Variants in IL1RAPL1 observed in about 807,000 individuals in gnomAD.
IL1RAPL1 encodes the protein interleukin-1 receptor accessory protein-like 1.
A neutral mutation model predicts 48.4 loss-of-function variants in IL1RAPL1; 3 were observed. The ratio of observed to expected loss-of-function variants is 0.06; its 90% CI spans 0.03 to 0.16. The LOEUF (loss-of-function observed/expected upper bound fraction) is 0.16. Among genes scored for constraint, IL1RAPL1 ranks in the 10% least tolerant of loss-of-function variants. The pLI, the probability that IL1RAPL1 is intolerant of heterozygous loss-of-function variation, is 1.00. For synonymous variants in IL1RAPL1, 185 were observed against 187.7 expected (o/e 0.99, Z 0.12); for missense variants, 349 against 530.6 (o/e 0.66, Z 3.36).
At chrX:29,081,733 A>C (rs963852721) in intron 2 of IL1RAPL1, among the ~76,000 whole-genome samples, 2 of 111,189 alleles carry the variant, frequency 1.8e-5, no homozygotes, top group African/African-American at 6.5e-5. Flanking sequence ...AAAATGGCAT[A>C]CGTATTGAAA....
intron 2 of IL1RAPL1, among the ~76,000 whole-genome samples, chrX:29,244,929 C>T (rs1198416164): frequency 9.1e-6 from 1 of 109,810 alleles, no homozygotes; most frequent in Non-Finnish European, 1.9e-5. Context: ...TCCCCTAGCC[C>T]CCCACCCCCC....
chrX:29,928,334 T>C (rs1387797777), intron 8 of IL1RAPL1, among the ~76,000 whole-genome samples: 1 of 111,994 alleles, frequency 8.9e-6, no homozygotes, highest in Non-Finnish European at 1.9e-5. Flanking sequence ...TCCACTTGTG[T>C]AATCAGAGAT....
At chrX:29,430,045 A>G (rs1259130603) in intron 5 of IL1RAPL1, among the ~76,000 whole-genome samples, 5 of 108,139 alleles carry the variant, frequency 4.6e-5, no homozygotes, top group African/African-American at 1.7e-4. Flanking sequence ...GATTATAGAC[A>G]TGAGCCACTG....
At chrX:28,683,059 T>C (rs1935078771) in intron 1 of IL1RAPL1, among the ~76,000 whole-genome samples, 2 of 112,095 alleles carry the variant, frequency 1.8e-5, no homozygotes, top group Non-Finnish European at 3.8e-5. Flanking sequence ...AAAGGAATCA[T>C]CATGATGAGA....
At chrX:29,752,076 G>GTGTGTATATATATATATA (rs1391674592) in intron 6 of IL1RAPL1, among the ~76,000 whole-genome samples, 1 of 89,484 alleles carries the variant, frequency 1.1e-5, no homozygotes, top group Non-Finnish European at 2.1e-5. Context: ...ATATATGTGT[G>GTGTGTATATATATATATA]TATGTATATA....
At chrX:28,797,731 A>G (rs1601907934) in intron 2 of IL1RAPL1, among the ~76,000 whole-genome samples, 1 of 111,474 alleles carries the variant, frequency 9.0e-6, no homozygotes, top group Non-Finnish European at 1.9e-5. Flanking sequence ...TGAATCCTCC[A>G]AACTGTTCCA....
intron 2 of IL1RAPL1, among the ~76,000 whole-genome samples, chrX:28,900,140 T>C (rs769010591): frequency 1.8e-5 from 2 of 112,109 alleles, no homozygotes; most frequent in African/African-American, 6.5e-5. Flanking sequence ...CAGTCATGGG[T>C]AAGGTACTGA....
chrX:29,230,504 CA>C (rs60539139), intron 2 of IL1RAPL1, among the ~76,000 whole-genome samples: 1,152 of 16,340 alleles, frequency 0.071, 6 homozygotes, highest in East Asian at 0.2. Flanking sequence ...GTCCCTTTAC[CA>C]AAAAAAAAAA....
Position 29,955,440 on chromosome X carries a change from C to A in IL1RAPL1, c.1711C>A (p.Gln571Lys), listed in dbSNP as rs756892831. The A allele has an allele frequency of 8.3e-7, 1 of 1,211,215 alleles. No homozygotes were observed. The highest frequency in any genetic ancestry group is 1.8e-5 in the South Asian group (1 of 56,937). Residue 571 changes from glutamine to lysine, a missense_variant, in exon 11 of 11, where the codon CAG (glutamine) becomes AAG (lysine). Gln to Lys is a moderately conservative substitution (Grantham distance 53). Transcript: ENST00000378993. The part of the protein sequence containing the change: ...FKRIEPITHE[Q>K]ALDVSEQGPF... The stretch of plus-strand genomic sequence containing the variant: ...GAGGATAGAACCCATTACACATGAG[C>A]AGGCTTTAGATGTCAGTGAGCAAGG...
At chrX:29,836,865 G>T (rs758066061) in intron 6 of IL1RAPL1, among the ~76,000 whole-genome samples, 1 of 110,982 alleles carries the variant, frequency 9.0e-6, no homozygotes, top group Admixed American at 9.6e-5. Context: ...ATGTGGCCAA[G>T]ATTCAAAATT....
intron 6 of IL1RAPL1, among the ~76,000 whole-genome samples, chrX:29,856,966 T>A (rs1392607664): frequency 9.0e-6 from 1 of 111,257 alleles, no homozygotes; most frequent in Non-Finnish European, 1.9e-5. Context: ...TATAAATCAT[T>A]AAGAAAAGAT....
At chrX:29,196,942 A>G (rs1439894901) in intron 2 of IL1RAPL1, among the ~76,000 whole-genome samples, 1 of 110,143 alleles carries the variant, frequency 9.1e-6, no homozygotes, top group Non-Finnish European at 1.9e-5. Flanking sequence ...TATTTTCCTA[A>G]TCATAGGAGC....
At chrX:28,808,597 T>C (rs1215628704) in intron 2 of IL1RAPL1, among the ~76,000 whole-genome samples, 1 of 111,313 alleles carries the variant, frequency 9.0e-6, no homozygotes, top group Non-Finnish European at 1.9e-5. Context: ...TTATATGTTA[T>C]AATACTTGAA....
intron 1 of IL1RAPL1, chrX:28,659,418 C>T (rs1934789257): frequency 1.9e-6 from 1 of 533,781 alleles, no homozygotes; most frequent in East Asian, 3.5e-5. Context: ...AGTTGCTTCC[C>T]GGGTGTTTTA....
At chrX:29,328,538 A>G (rs888738823) in intron 3 of IL1RAPL1, among the ~76,000 whole-genome samples, 4 of 110,565 alleles carry the variant, frequency 3.6e-5, no homozygotes, top group Non-Finnish European at 7.6e-5. Context: ...TTGGAAAGAA[A>G]AGAAAGTAGA....
At chrX:29,140,838 G>C (rs1275771898) in intron 2 of IL1RAPL1, among the ~76,000 whole-genome samples, 2 of 110,903 alleles carry the variant, frequency 1.8e-5, no homozygotes, top group Non-Finnish European at 3.8e-5. Context: ...TAATTCCATC[G>C]ATGAAGGTGT....
rs373550218 is a variant in IL1RAPL1 at position 29,342,850 on chromosome X, A to G, written c.363-53408A>G. On this transcript the variant is annotated intron_variant, in intron 3 of 10. Transcript: ENST00000378993. Reference sequence around the variant, plus strand: ...AGTAAACATCATTAAAAGAAGCACAAAGCAAGTGAAATATGCATGGCAGAG... The same window carrying G: ...AGTAAACATCATTAAAAGAAGCACAGAGCAAGTGAAATATGCATGGCAGAG... Among the ~76,000 whole-genome samples, 65 of 112,732 alleles carry G rather than the reference A, an allele frequency of 5.8e-4. 1 individual carries two copies. Among genetic ancestry groups the G allele is most frequent in the Admixed American group, 1.7e-3 (18 of 10,643 alleles).
At chrX:29,172,733 G>A (rs1234649804) in intron 2 of IL1RAPL1, among the ~76,000 whole-genome samples, 1 of 111,823 alleles carries the variant, frequency 8.9e-6, no homozygotes, top group Non-Finnish European at 1.9e-5. Context: ...GTCTAATGAA[G>A]TTTAATGAGT....
At chrX:28,649,639 T>G (rs2146903084) in intron 1 of IL1RAPL1, among the ~76,000 whole-genome samples, 1 of 112,483 alleles carries the variant, frequency 8.9e-6, no homozygotes, top group South Asian at 3.7e-4. Flanking sequence ...ACATTAGCGT[T>G]ATTTGAGATG....
Sources: allele counts gnomAD v4.1 joint callset (sites outside exome capture counted in the v4.1 genomes callset), GRCh38; gene constraint gnomAD v4.1.1; transcripts MANE v1.5; gene names NCBI Gene and HGNC (gene_info 2026-07-23, HGNC 2026-07-21).